HK1: variants seen among roughly 807,000 people sequenced by gnomAD.
HK1 encodes the protein hexokinase-1.
In HK1, 28 loss-of-function variants were observed where a neutral mutation model predicts 91.6. The observed-to-expected ratio is 0.31, with a 90% CI of 0.23 to 0.42. The LOEUF (loss-of-function observed/expected upper bound fraction) is 0.42, where lower values mean the gene tolerates loss of function less well. HK1 is among the 10% of genes least tolerant of loss of function. HK1 has a pLI of 1.00. For synonymous variants in HK1, 430 were observed against 468.1 expected (o/e 0.92, Z 1.05); for missense variants, 770 against 1,219.8 (o/e 0.63, Z 5.49).
chr10:69,271,017 A>G (rs1258291050), intron 1 of HK1: 3 of 152,254 alleles, frequency 2.0e-5, no homozygotes, highest in Non-Finnish European at 4.4e-5. Context: ...AAGATACTCT[A>G]TAAATGATGA....
At chr10:69,393,295 C>T (rs1589587139) in intron 15 of HK1, among the ~76,000 whole-genome samples, 1 of 149,518 alleles carries the variant, frequency 6.7e-6, no homozygotes, top group African/African-American at 2.5e-5. Flanking sequence ...TAGTCTTTTT[C>T]TTTTCTTTTC....
chr10:69,272,790 T>C (rs973282774), intron 1 of HK1, among the ~76,000 whole-genome samples: 3 of 151,930 alleles, frequency 2.0e-5, no homozygotes, highest in Non-Finnish European at 2.9e-5. Flanking sequence ...TTTTTTTAAA[T>C]TTATCTTGCT....
chr10:69,309,763 T>C (rs1390449761), intron 5 of HK1, among the ~76,000 whole-genome samples: 1 of 148,088 alleles, frequency 6.8e-6, no homozygotes, highest in African/African-American at 2.5e-5. Flanking sequence ...ATTGCACCAC[T>C]CGGCCAGGCG....
chr10:69,398,529 A>C (rs1231680583), intron 16 of HK1, 66 bp from the exon 17 acceptor site: 19 of 1,231,572 alleles, frequency 1.5e-5, no homozygotes, highest in Middle Eastern at 1.9e-4. Context: ...CGTCCTTTGG[A>C]CGTGGTCTCC....
intron 2 of HK1, among the ~76,000 whole-genome samples, chr10:69,351,508 TCAAAAACAAAAA>T (rs1007785660): frequency 1.3e-5 from 2 of 150,040 alleles, no homozygotes; most frequent in Non-Finnish European, 3.0e-5. Flanking sequence ...AGACTCCGTC[TCAAAAACAAAAA>T]CAAAAACAAA....
chr10:69,384,261 A>G, intron 10 of HK1, 72 bp from the exon 11 acceptor site: 1 of 1,571,128 alleles, frequency 6.4e-7, no homozygotes. Flanking sequence ...GAAAGTCTGG[A>G]GTCTTGGGGT....
At chr10:69,307,823 C>G (rs1846172718) in intron 5 of HK1, among the ~76,000 whole-genome samples, 1 of 152,058 alleles carries the variant, frequency 6.6e-6, no homozygotes, top group Non-Finnish European at 1.5e-5. Context: ...TTTTACTTCT[C>G]TGTTTTAAAA....
At position 69,325,501 on chromosome 10, in the gene HK1, G is replaced by GCAC. The variant is rs1207014940; in HGVS notation, c.63+6494_63+6496dup. Among the ~76,000 whole-genome samples, 57 of 151,354 alleles carry GCAC rather than the reference G, an allele frequency of 3.8e-4. 1 individual carries two copies. The highest frequency in any genetic ancestry group is 1.3e-3 in the African/African-American group (55 of 41,232). On this transcript the variant is annotated intron_variant, in intron 1 of 17. Coordinates refer to ENST00000359426, the MANE Select transcript of HK1 (RefSeq NM_000188.3). ...GCCTCCTGAGTAGCTGGGATTACAG[G>GCAC]CACCAGCCAATGCTCCTGGCCTGCA...
chr10:69,398,808 A>G lies in HK1; in HGVS notation c.2589A>G (p.Thr863=). 1 of 1,612,644 alleles carries G rather than the reference A, an allele frequency of 6.2e-7. No homozygotes were observed. The highest frequency in any genetic ancestry group is 1.1e-5 in the South Asian group (1 of 91,052). ...RLNVTVGVDG[T]LYKLHPHFSR... is the part of the protein sequence containing the mutation. ...ATGTGACTGTGGGAGTGGACGGGAC[A>G]CTCTACAAGCTTCATCCACAGTGAG... Residue 863 remains threonine (T), a synonymous_variant, in exon 17 of 18, where the codon ACA becomes ACG. Transcript: ENST00000359426.
intron 5 of HK1, among the ~76,000 whole-genome samples, chr10:69,310,421 A>C (rs1252695940): frequency 1.3e-5 from 1 of 77,210 alleles, no homozygotes; most frequent in African/African-American, 5.8e-5. Flanking sequence ...ACTTTGTCTC[A>C]AAAAAAAAAA....
intron 1 of HK1, among the ~76,000 whole-genome samples, chr10:69,277,094 T>C (rs931358005): frequency 6.6e-6 from 1 of 152,322 alleles, no homozygotes; most frequent in Non-Finnish European, 1.5e-5. Context: ...ATTTTTATTA[T>C]GCCATCATAT....
Position 69,288,711 on chromosome 10 carries a change from AAGGACCCG to A in HK1, c.-170_-163del, listed in dbSNP as rs750724814. On this transcript the variant is annotated 5_prime_UTR_variant, in exon 3 of 22. Coordinates refer to the HK1 transcript ENST00000360289. ...CTGTTGAGAGTAGAAAAGCAGAAGA[AAGGACCCG>A]AGGTCAGCAAGTGCCCTCCCCACAA... is the stretch of plus-strand genomic sequence containing the variant. 8 of 1,611,578 alleles carry A rather than the reference AAGGACCCG, an allele frequency of 5.0e-6. No homozygotes were observed. The Admixed American group carries it at 1.3e-4, about 27-fold the overall frequency.
At chr10:69,321,933 C>T (rs1331700992) in intron 1 of HK1, among the ~76,000 whole-genome samples, 1 of 152,168 alleles carries the variant, frequency 6.6e-6, no homozygotes, top group East Asian at 1.9e-4. Flanking sequence ...GAAAGGGAGG[C>T]ATATGTGTGC....
At chr10:69,297,627 G>T (rs910839644) in intron 4 of HK1, among the ~76,000 whole-genome samples, 8 of 148,650 alleles carry the variant, frequency 5.4e-5, no homozygotes, top group African/African-American at 2.1e-4. Context: ...GGATGTGGTG[G>T]CTTATTCCTG....
intron 10 of HK1, among the ~76,000 whole-genome samples, 159 bp from the exon 11 acceptor site, chr10:69,384,174 T>C (rs1295177842): frequency 6.6e-6 from 1 of 152,234 alleles, no homozygotes; most frequent in African/African-American, 2.4e-5. Flanking sequence ...GTGCCCACTC[T>C]TCCTCTGAGT....
rs1432712002 is a variant in HK1 at position 69,380,449 on chromosome 10, C to T, written c.1265+354C>T. ...CTTCTGCACTCTGTCGTTACCTCGC[C>T]CTGTCAAAAGTCGAGATGGAGATTT... On this transcript the variant is annotated intron_variant, in intron 9 of 17. Transcript: ENST00000359426. The surrounding 1 kb of genome is among the most constrained non-coding windows in gnomAD (Gnocchi z 4.0). Among the ~76,000 whole-genome samples, 1 of 152,156 alleles carries T rather than the reference C, an allele frequency of 6.6e-6. No individual in the cohort carries two copies. Among genetic ancestry groups the T allele is most frequent in the Non-Finnish European group, 1.5e-5 (1 of 68,030 alleles).
chr10:69,340,913 C>G (rs1211246472), intron 1 of HK1, among the ~76,000 whole-genome samples: 3 of 152,096 alleles, frequency 2.0e-5, no homozygotes, highest in African/African-American at 7.2e-5. Context: ...CAAAAACCAC[C>G]CTCCCTCCCC....
intron 1 of HK1, among the ~76,000 whole-genome samples, chr10:69,325,559 T>C (rs188641955): frequency 1.4e-5 from 2 of 147,678 alleles, no homozygotes; most frequent in African/African-American, 5.0e-5. Context: ...GGGGTCTCAC[T>C]CTGTATCCTG....
upstream of HK1, among the ~76,000 whole-genome samples, chr10:69,316,760 C>T (rs1195646151): frequency 6.6e-6 from 1 of 152,236 alleles, no homozygotes; most frequent in Non-Finnish European, 1.5e-5. Flanking sequence ...TTTGATTATG[C>T]ATTAGGCTTA....
Sources: allele counts gnomAD v4.1 joint callset (sites outside exome capture counted in the v4.1 genomes callset), GRCh38; gene constraint gnomAD v4.1.1; non-coding constraint Gnocchi (gnomAD v3.1); transcripts MANE v1.5; gene names NCBI Gene and HGNC (gene_info 2026-07-23, HGNC 2026-07-21).